ICA1L: variants seen among roughly 807,000 people sequenced by gnomAD.
ICA1L encodes islet cell autoantigen 1-like protein.
A neutral mutation model predicts 61.3 loss-of-function variants in ICA1L; 50 were observed. The observed-to-expected ratio is 0.82, with a 90% confidence interval of 0.65 to 1.03. The LOEUF (loss-of-function observed/expected upper bound fraction) is 1.03. Ranked by LOEUF, ICA1L falls within the 50% of genes least tolerant of loss-of-function variation. ICA1L has a pLI of 0.00. For missense variants in ICA1L, 508 were observed against 556.7 expected, an observed-to-expected ratio of 0.91 and a Z score of 0.88; for synonymous variants, 161 against 191.3, an observed-to-expected ratio of 0.84 and a Z score of 1.31.
chr2:202,788,382 A>T (rs1692650427), intron 11 of ICA1L, among the ~76,000 whole-genome samples: 1 of 151,792 alleles, frequency 6.6e-6, no homozygotes, highest in African/African-American at 2.4e-5. Flanking sequence ...AAGCAAAGTG[A>T]CCCCCAAGGT....
chr2:202,780,629 T>C (rs138486073), intron 12 of ICA1L, among the ~76,000 whole-genome samples: 1 of 151,982 alleles, frequency 6.6e-6, no homozygotes, highest in East Asian at 1.9e-4. Flanking sequence ...GTGTGGAGGG[T>C]AGAAGGCAGT....
chr2:202,800,295 T>C (rs992374078), intron 9 of ICA1L, among the ~76,000 whole-genome samples: 1 of 152,178 alleles, frequency 6.6e-6, no homozygotes, highest in Non-Finnish European at 1.5e-5. Flanking sequence ...ATCATACATA[T>C]GGCAAAAGAT....
At position 202,774,888 on chromosome 2, in the gene ICA1L, C is replaced by T. The variant is rs1228963108; in HGVS notation, c.*4645G>A. 1 of 152,270 alleles carries T rather than the reference C, an allele frequency of 6.6e-6. No individual in the cohort carries two copies. The highest frequency in any genetic ancestry group is 1.5e-5 in the Non-Finnish European group (1 of 68,070). 9.4% of individuals were successfully genotyped at this position (152,270 alleles called of 1,614,324 possible). ...AATGTAAAAACATACACTGCAAAAT[C>T]TCACCCACAACACCAGTCAGAACTT... On this transcript the variant is annotated 3_prime_UTR_variant, in exon 13 of 13. Coordinates refer to ENST00000358299, the MANE Select transcript of ICA1L (RefSeq NM_001288622.3).
chr2:202,839,348 A>C (rs1275125963), intron 1 of ICA1L, among the ~76,000 whole-genome samples: 2 of 151,894 alleles, frequency 1.3e-5, no homozygotes, highest in Admixed American at 1.3e-4. Flanking sequence ...AAAATATAAA[A>C]ATTAGCTGAG....
chr2:202,837,377 G>A (rs1460939410), intron 1 of ICA1L, among the ~76,000 whole-genome samples: 6 of 150,944 alleles, frequency 4.0e-5, no homozygotes, highest in African/African-American at 9.7e-5. Context: ...TCCACCTCCC[G>A]GGTTCACGCC....
chr2:202,780,486 C>CTAAT (rs1692368985), intron 12 of ICA1L, among the ~76,000 whole-genome samples: 1 of 152,104 alleles, frequency 6.6e-6, no homozygotes, highest in African/African-American at 2.4e-5. Flanking sequence ...AGGGTTGGGA[C>CTAAT]TAATAAAGAA....
In ICA1L at chr2:202,819,876, G is replaced by A; in HGVS notation, c.383C>T (p.Ser128Phe). The A allele has an allele frequency of 6.2e-7, 1 of 1,613,986 alleles. No homozygotes were observed. Among genetic ancestry groups the A allele is most frequent in the Non-Finnish European group, 8.5e-7 (1 of 1,179,932 alleles). Residue 128 changes from serine (S) to phenylalanine (F), a missense_variant, in exon 5 of 13, where the codon TCT becomes TTT. Physicochemically the swap from Ser to Phe is radical, Grantham distance 155. Coordinates refer to ENST00000358299, the MANE Select transcript of ICA1L (RefSeq NM_001288622.3). Reference sequence around the variant, plus strand: ...TGTTGCTACTTCTTGCTTCAGACGAGACAGAGGAGTACACAGGGCCAATCT... The same window carrying A: ...TGTTGCTACTTCTTGCTTCAGACGAAACAGAGGAGTACACAGGGCCAATCT... ...KQRLALCTPL[S>F]RLKQEVATFS...
At chr2:202,779,676 A>AAGAG in intron 12 of ICA1L, 28 bp from the exon 13 acceptor site, 1 of 1,280,966 alleles carries the variant, frequency 7.8e-7, no homozygotes, top group East Asian at 2.3e-5. Context: ...AAATACATTA[A>AAGAG]AGAGATTCAG....
intron 12 of ICA1L, among the ~76,000 whole-genome samples, chr2:202,785,185 C>T (rs1692540818): frequency 6.7e-6 from 1 of 149,444 alleles, no homozygotes; most frequent in Non-Finnish European, 1.5e-5. Flanking sequence ...TACCATTGCA[C>T]TCCAGCCTGG....
rs912414216 is a variant in ICA1L at position 202,778,941 on chromosome 2, A to G, written c.*592T>C. The G allele has an allele frequency of 5.2e-5, 8 of 152,616 alleles. No homozygotes were observed. The highest frequency in any genetic ancestry group is 1.9e-4 in the African/African-American group (8 of 41,450). The allele number at this position is 152,616 out of a possible 1,614,324, so 9.5% of individuals were successfully genotyped here. On this transcript the variant is annotated 3_prime_UTR_variant, in exon 13 of 13. Coordinates refer to ENST00000358299, the MANE Select transcript of ICA1L (RefSeq NM_001288622.3). ...AAAAAACATTACATTTTAGCCTCCA[A>G]ATGAAGAAAAACAAGTACCAAGTTT...
chr2:202,865,157 T>C (rs1022452601), intron 1 of ICA1L, among the ~76,000 whole-genome samples: 3 of 146,456 alleles, frequency 2.0e-5, no homozygotes, highest in African/African-American at 7.6e-5. Context: ...GGTGAGACTC[T>C]GTCTTTTAAA....
chr2:202,866,902 G>A (rs1001804401), intron 1 of ICA1L, among the ~76,000 whole-genome samples: 21 of 152,168 alleles, frequency 1.4e-4, no homozygotes, highest in Non-Finnish European at 2.8e-4. Context: ...AGCCGAGATC[G>A]TGCCACTACA....
chr2:202,800,788 A>G (rs988909048), intron 9 of ICA1L, among the ~76,000 whole-genome samples: 4 of 152,204 alleles, frequency 2.6e-5, no homozygotes, highest in African/African-American at 9.6e-5. Context: ...GGATACTATA[A>G]AAGAATATGG....
At chr2:202,819,628 T>G (rs973774165) in intron 5 of ICA1L, 73 bp downstream of exon 5, 3 of 1,166,988 alleles carry the variant, frequency 2.6e-6, no homozygotes, top group Non-Finnish European at 3.8e-6. Context: ...ATCTGAAATT[T>G]TATTATCTTA....
At chr2:202,823,664 A>G (rs1693758062) in intron 3 of ICA1L, among the ~76,000 whole-genome samples, 1 of 152,162 alleles carries the variant, frequency 6.6e-6, no homozygotes, top group South Asian at 2.1e-4. Flanking sequence ...AAGCTCTTTA[A>G]ACTCCAAGTC....
rs1574317914 is a variant in ICA1L at position 202,779,761 on chromosome 2, A to ATAAC, written c.1334-117_1334-114dup. 3.9e-5 allele frequency: 24 copies of ATAAC among 616,968 alleles called. No homozygotes were observed. The East Asian group carries it at 4.5e-4, about 12-fold the overall frequency. 38.2% of individuals were successfully genotyped at this position (616,968 alleles called of 1,614,324 possible). The stretch of plus-strand genomic sequence containing the variant: ...TCTTTTGGATTAAGAAAAAATTAAG[A>ATAAC]TAACTGACAATAATCTATCAACTAT... On this transcript the variant is annotated intron_variant, in intron 12 of 12. Coordinates refer to ENST00000358299, the MANE Select transcript of ICA1L (RefSeq NM_001288622.3).
intron 11 of ICA1L, among the ~76,000 whole-genome samples, chr2:202,787,556 TCTTA>T (rs1373829459): frequency 1.3e-5 from 2 of 152,366 alleles, no homozygotes; most frequent in African/African-American, 4.8e-5. Context: ...TTCAATCAAT[TCTTA>T]CTGAGTGATT....
intron 11 of ICA1L, 111 bp downstream of exon 11, chr2:202,788,719 T>C: frequency 9.3e-7 from 1 of 1,075,878 alleles, no homozygotes; most frequent in Non-Finnish European, 1.4e-6. Flanking sequence ...TATCTAGTAG[T>C]GCTGACATTA....
chr2:202,858,297 A>G (rs1218383797), intron 1 of ICA1L, among the ~76,000 whole-genome samples: 1 of 152,262 alleles, frequency 6.6e-6, no homozygotes, highest in African/African-American at 2.4e-5. Context: ...GCCATTAAAA[A>G]AGAATGAGTT....
Sources: gnomAD v4.1 joint callset for allele counts (sites outside exome capture counted in the v4.1 genomes callset) on GRCh38, gnomAD v4.1.1 for gene constraint, MANE v1.5 for transcripts, NCBI Gene and HGNC (gene_info 2026-07-23, HGNC 2026-07-21) for gene names.